The following NRG1 variants were observed in gnomAD, a reference collection of about 807,000 sequenced individuals.
NRG1 encodes the protein pro-neuregulin-1, membrane-bound isoform.
Under a neutral mutation model 63.8 loss-of-function variants are expected in NRG1, and 18 were observed. That is an observed-to-expected ratio of 0.28 (90% CI 0.19 to 0.42). The LOEUF (loss-of-function observed/expected upper bound fraction) is 0.42, where lower values mean the gene tolerates loss of function less well. NRG1 is among the 10% of genes least tolerant of loss of function. The pLI, the probability that NRG1 is intolerant of heterozygous loss-of-function variation, is 1.00. For missense variants in NRG1, 762 were observed against 814.7 expected, an observed-to-expected ratio of 0.94 and a Z score of 0.79; for synonymous variants, 302 against 301.3, an observed-to-expected ratio of 1.00 and a Z score of -0.02.
chr8:32,314,954 A>C (rs1857217794), intron 1 of NRG1, among the ~76,000 whole-genome samples: 1 of 151,964 alleles, frequency 6.6e-6, no homozygotes, highest in African/African-American at 2.4e-5. Flanking sequence ...GCTAATTCTG[A>C]CTGTTCTGGT....
In NRG1 at chr8:32,316,816, TAAAA is replaced by T. The variant is rs1463349768; in HGVS notation, c.38-279011_38-279008del. Among the ~76,000 whole-genome samples the T allele has an allele frequency of 1.2e-3, 183 of 152,028 alleles. 2 individuals carry two copies. Among genetic ancestry groups the T allele is most frequent in the African/African-American group, 4.2e-3 (175 of 41,470 alleles). On this transcript the variant is annotated intron_variant, in intron 1 of 10. Transcript: ENST00000519301. ...TCAGCTCCAAAAAAATAAAATAAAA[TAAAA>T]TAAAATAAAACACATTAGGAAATTT...
intron 11 of NRG1, 128 bp downstream of exon 11, chr8:32,760,534 G>A (rs1830506605): frequency 6.7e-7 from 1 of 1,485,994 alleles, no homozygotes; most frequent in Non-Finnish European, 8.9e-7. Context: ...TGTTCTAGGA[G>A]TGCTCCTAGT....
chr8:31,641,997 C>T (rs1304738685), intron 1 of NRG1, among the ~76,000 whole-genome samples: 1 of 152,138 alleles, frequency 6.6e-6, no homozygotes, highest in Non-Finnish European at 1.5e-5. Flanking sequence ...GTTCACCCAC[C>T]ATTCCCTTAT....
rs142159349 is a variant in NRG1 at position 32,531,214 on chromosome 8, A to G, written c.38-64614A>G. On this transcript the variant is annotated intron_variant, in intron 1 of 10. Transcript: ENST00000519301. ...ATTTAGTGGAAATGAGAAAACCTAG[A>G]AAATACCATGCAATTCTAATGAAAA... Among the ~76,000 whole-genome samples the G allele has an allele frequency of 4.8e-4, 73 of 152,270 alleles. 1 individual carries two copies. The highest frequency in any genetic ancestry group is 1.7e-3 in the African/African-American group (71 of 41,568).
At chr8:32,163,285 A>T (rs1325682959) in intron 1 of NRG1, among the ~76,000 whole-genome samples, 1 of 152,186 alleles carries the variant, frequency 6.6e-6, no homozygotes, top group Non-Finnish European at 1.5e-5. Flanking sequence ...GAGAGCACTG[A>T]CTTCAGAAAC....
intron 1 of NRG1, among the ~76,000 whole-genome samples, chr8:32,147,964 C>A (rs1316340864): frequency 1.3e-5 from 2 of 152,094 alleles, no homozygotes; most frequent in African/African-American, 2.4e-5. Flanking sequence ...GGGATGATAA[C>A]TATTATTCTA....
chr8:32,411,332 G>A (rs780527701), intron 1 of NRG1, among the ~76,000 whole-genome samples: 9 of 152,186 alleles, frequency 5.9e-5, no homozygotes, highest in Non-Finnish European at 1.3e-4. Flanking sequence ...AACGGTGTGG[G>A]ACACAAAATA....
intron 1 of NRG1, among the ~76,000 whole-genome samples, chr8:32,421,236 G>A (rs532423111): frequency 1.3e-5 from 2 of 152,182 alleles, no homozygotes; most frequent in East Asian, 3.9e-4. Flanking sequence ...GATTGAGAGA[G>A]AGGGAAAAAG....
At chr8:31,997,732 A>G (rs937456385) in intron 1 of NRG1, among the ~76,000 whole-genome samples, 2 of 151,988 alleles carry the variant, frequency 1.3e-5, no homozygotes, top group African/African-American at 4.8e-5. Flanking sequence ...ACTAACTAGC[A>G]AGTGTCTTTA....
intron 1 of NRG1, among the ~76,000 whole-genome samples, chr8:32,207,527 T>C (rs924968660): frequency 6.6e-6 from 1 of 152,200 alleles, no homozygotes; most frequent in Non-Finnish European, 1.5e-5. Flanking sequence ...TACTACTCTG[T>C]TCTTTCTAGT....
At chr8:31,995,090 A>G (rs1269765936) in intron 1 of NRG1, among the ~76,000 whole-genome samples, 1 of 151,986 alleles carries the variant, frequency 6.6e-6, no homozygotes, top group Non-Finnish European at 1.5e-5. Flanking sequence ...TCAGAGAGCC[A>G]TGTAAGGGGA....
intron 1 of NRG1, among the ~76,000 whole-genome samples, chr8:32,004,861 T>C (rs1813497914): frequency 6.6e-6 from 1 of 151,874 alleles, no homozygotes; most frequent in African/African-American, 2.4e-5. Context: ...TGTACTAGGA[T>C]ACTTGTCTTG....
At chr8:31,982,234 A>C (rs1809246738) in intron 1 of NRG1, among the ~76,000 whole-genome samples, 1 of 152,080 alleles carries the variant, frequency 6.6e-6, no homozygotes. Context: ...TGAAAAGATC[A>C]TTCTTGCTAT....
intron 1 of NRG1, among the ~76,000 whole-genome samples, chr8:32,320,701 C>A (rs117070246): frequency 0.055 from 8,368 of 152,222 alleles, 287 homozygotes; most frequent in Middle Eastern, 0.12. Flanking sequence ...GATTACAATT[C>A]GACCTGAGAT....
chr8:31,655,579 C>G (rs1805352680), intron 1 of NRG1, among the ~76,000 whole-genome samples: 2 of 152,180 alleles, frequency 1.3e-5, no homozygotes, highest in African/African-American at 4.8e-5. Context: ...TCAGACGATT[C>G]TAGACTTCCA....
At chr8:31,675,291 A>G (rs1807572552) in intron 1 of NRG1, among the ~76,000 whole-genome samples, 2 of 152,200 alleles carry the variant, frequency 1.3e-5, no homozygotes, top group Non-Finnish European at 2.9e-5. Context: ...CAGTGAGCTG[A>G]GATTGTGCCA....
At chr8:32,735,058 A>G (rs191331139) in intron 6 of NRG1, among the ~76,000 whole-genome samples, 3 of 152,346 alleles carry the variant, frequency 2.0e-5, no homozygotes, top group Non-Finnish European at 2.9e-5. Flanking sequence ...GGAATGTACA[A>G]TGAAAGACCT....
At chr8:32,706,773 TA>T (rs900435881) in intron 5 of NRG1, among the ~76,000 whole-genome samples, 2 of 152,166 alleles carry the variant, frequency 1.3e-5, no homozygotes, top group African/African-American at 2.4e-5. Context: ...TTCAGAATTT[TA>T]AATTTTCTCA....
At chr8:32,362,373 C>G (rs1250090009) in intron 1 of NRG1, among the ~76,000 whole-genome samples, 2 of 152,134 alleles carry the variant, frequency 1.3e-5, no homozygotes, top group Non-Finnish European at 2.9e-5. Context: ...TTTACATTTT[C>G]TACATTTAAG....
Sources: gnomAD v4.1 joint callset for allele counts (sites outside exome capture counted in the v4.1 genomes callset) on GRCh38, gnomAD v4.1.1 for gene constraint, MANE v1.5 for transcripts, NCBI Gene and HGNC (gene_info 2026-07-23, HGNC 2026-07-21) for gene names.